Variants in SLC46A2 observed in about 807,000 individuals in gnomAD.
The protein encoded by SLC46A2 is thymic stromal co-transporter.
In SLC46A2, 25 loss-of-function variants were observed where a neutral mutation model predicts 33.1. The ratio of observed to expected loss-of-function variants is 0.76; its 90% CI spans 0.55 to 1.06. SLC46A2 has a LOEUF of 1.06. SLC46A2 is among the 50% of genes least tolerant of loss of function. The probability of loss-of-function intolerance (pLI) is 0.00; values close to 1 mark genes in which losing one functional copy is unlikely to be tolerated. For missense variants in SLC46A2, 622 were observed against 621.7 expected, an observed-to-expected ratio of 1.00 and a Z score of 0.00; for synonymous variants, 254 against 275.9, an observed-to-expected ratio of 0.92 and a Z score of 0.79.
In SLC46A2 at chr9:112,890,049, G is replaced by A. The variant is rs903288475; in HGVS notation, c.633C>T (p.Cys211=). The A allele has an allele frequency of 6.2e-7, 1 of 1,613,830 alleles. No individual in the cohort carries two copies. The highest frequency in any genetic ancestry group is 8.5e-7 in the Non-Finnish European group (1 of 1,180,020). The change falls in exon 1 of 4, where the codon TGC becomes TGT. Residue 211 remains cysteine, a synonymous_variant. Transcript: ENST00000374228. The surrounding 1 kb of genome is among the most constrained non-coding windows in gnomAD (Gnocchi z 6.0). ...HSGQGLILTA[C]SVSCASFALL... ...GGGCAAACGAGGCACAGCTCACGCT[G>A]CAGGCCGTCAGTATCAGGCCCTGCC...
At chr9:112,882,055 G>T (rs4979178) in intron 3 of SLC46A2, among the ~76,000 whole-genome samples, 1 of 152,010 alleles carries the variant, frequency 6.6e-6, no homozygotes, top group Non-Finnish European at 1.5e-5. Context: ...GGCCAGGCCA[G>T]CTTATGCAGG....
intron 3 of SLC46A2, among the ~76,000 whole-genome samples, chr9:112,883,676 T>C (rs1459778124): frequency 6.8e-6 from 1 of 147,074 alleles, no homozygotes; most frequent in Non-Finnish European, 1.5e-5. Flanking sequence ...GGCTTCTCTT[T>C]TCTGTTTTTT....
chr9:112,888,225 C>T (rs1045902071), intron 1 of SLC46A2, among the ~76,000 whole-genome samples: 12 of 152,116 alleles, frequency 7.9e-5, no homozygotes, highest in Admixed American at 2.0e-4. Context: ...TGCAGTGAGC[C>T]GAGATCGTAC....
Position 112,890,844 on chromosome 9 carries a change from G to C in SLC46A2, c.-163C>G. The C allele has an allele frequency of 1.2e-6, 1 of 831,344 alleles. No individual in the cohort carries two copies. 51.5% of individuals were successfully genotyped at this position (831,344 alleles called of 1,614,324 possible). On this transcript the variant is annotated 5_prime_UTR_variant, in exon 1 of 4. Coordinates refer to ENST00000374228, the MANE Select transcript of SLC46A2 (RefSeq NM_033051.4). The surrounding 1 kb of genome is among the most constrained non-coding windows in gnomAD (Gnocchi z 6.0). The stretch of plus-strand genomic sequence containing the variant: ...CCGTGCGCCGGGAGCGCGCCGGCCA[G>C]TGGCGAGCAGAGCCAGGGCACGCAG...
chr9:112,883,334 A>G (rs1841604669), intron 3 of SLC46A2, among the ~76,000 whole-genome samples: 1 of 152,122 alleles, frequency 6.6e-6, no homozygotes, highest in Admixed American at 6.5e-5. Context: ...GAGAGGCCGC[A>G]CCCAGATACC....
rs1841654351 is a variant in SLC46A2, at chr9:112,887,370, G to A, written c.1173C>T (p.Ile391=). The A allele has an allele frequency of 5.6e-6, 9 of 1,612,336 alleles. No homozygotes were observed. The East Asian group carries it at 1.8e-4, about 32-fold the overall frequency. The change falls in exon 2 of 4, where the codon ATC becomes ATT. Residue 391 remains isoleucine (I), a synonymous_variant. Transcript: ENST00000374228. The part of the protein sequence containing the change: ...MLFALIPVTT[I]RSAMSKLIKG... ...TTATGAGTTTGGACATAGCTGATCG[G>A]ATGGTTGTGACGGGGATGAGAGCAA...
chr9:112,890,708 G>A lies in SLC46A2; in HGVS notation c.-27C>T, dbSNP rs1207993186. 6.4e-7 allele frequency: 1 copy of A among 1,568,758 alleles called. No homozygotes were observed. ...TGACCTCTCTGATGGGGATCGAAGG[G>A]CTTTCTGGCTGCAGTGACAAGGATA... On this transcript the variant is annotated 5_prime_UTR_variant, in exon 1 of 4. Coordinates refer to ENST00000374228, the MANE Select transcript of SLC46A2 (RefSeq NM_033051.4). The surrounding 1 kb of genome is among the most constrained non-coding windows in gnomAD (Gnocchi z 6.0).
At position 112,879,492 on chromosome 9, in the gene SLC46A2, C is replaced by T; in HGVS notation, c.*270G>A. ...CTGCTGTGTGCAGCCTGCCTGTAAC[C>T]CTTAAGGTCATGCTCTGCTGTCACA... On this transcript the variant is annotated 3_prime_UTR_variant, in exon 4 of 4. Transcript: ENST00000374228. 4.8e-6 allele frequency: 2 copies of T among 420,540 alleles called. No individual in the cohort carries two copies. The highest frequency in any genetic ancestry group is 3.7e-5 in the South Asian group (1 of 27,328). 26.1% of individuals were successfully genotyped at this position (420,540 alleles called of 1,614,324 possible).
Position 112,890,337 on chromosome 9 carries a change from G to T in SLC46A2, c.345C>A (p.Gly115=). Residue 115 remains glycine (G), a synonymous_variant, in exon 1 of 4, where the codon GGC becomes GGA. Coordinates refer to ENST00000374228, the MANE Select transcript of SLC46A2 (RefSeq NM_033051.4). The surrounding 1 kb of genome is among the most constrained non-coding windows in gnomAD (Gnocchi z 6.0). ...RKISICMSLL[G]FLLSRLGLLL... ...GCAGCCCGAGGCGGGAGAGCAGGAA[G>T]CCCAGCAGCGACATGCAGATGGAGA... The T allele has an allele frequency of 6.2e-7, 1 of 1,613,930 alleles. No individual in the cohort carries two copies. The highest frequency in any genetic ancestry group is 1.3e-5 in the African/African-American group (1 of 75,058).
intron 3 of SLC46A2, among the ~76,000 whole-genome samples, chr9:112,882,841 G>C (rs1417412775): frequency 1.3e-5 from 2 of 152,114 alleles, no homozygotes; most frequent in Non-Finnish European, 2.9e-5. Flanking sequence ...ACCTTTGGAA[G>C]TACTTTAGGT....
chr9:112,889,710 CATA>C lies in SLC46A2; in HGVS notation c.969_971del (p.Met324del). On this transcript the variant is annotated inframe_deletion, in exon 1 of 4. Transcript: ENST00000374228. ...TGATGAAGATGGTGTACCCTGCAGC[CATA>C]CCATAGCCCACCTGCACTTGGTTCC... 6.2e-7 allele frequency: 1 copy of C among 1,614,120 alleles called. No homozygotes were observed. Among genetic ancestry groups the C allele is most frequent in the Non-Finnish European group, 8.5e-7 (1 of 1,179,998 alleles).
Position 112,879,812 on chromosome 9 carries a change from C to G in SLC46A2, c.1378G>C (p.Ala460Pro). Residue 460 changes from alanine to proline, a missense_variant, in exon 4 of 4, where the codon GCC becomes CCC. Coordinates refer to ENST00000374228, the MANE Select transcript of SLC46A2 (RefSeq NM_033051.4). The part of the protein sequence containing the change: ...FLAIIPISIV[A>P]YKQVPLSPYG... The stretch of plus-strand genomic sequence containing the variant: ...GGTGACAATGGGACTTGTTTATAGG[C>G]CACGATGCTGTAAGAATTGACCATA... 6.2e-7 allele frequency: 1 copy of G among 1,612,624 alleles called. No individual in the cohort carries two copies. The highest frequency in any genetic ancestry group is 8.5e-7 in the Non-Finnish European group (1 of 1,178,978).
In SLC46A2 at chr9:112,890,371, T is replaced by G. The variant is rs1227334948; in HGVS notation, c.311A>C (p.His104Pro). Residue 104 changes from histidine to proline, a missense_variant, in exon 1 of 4, where the codon CAC (histidine) becomes CCC (proline). Physicochemically the swap from His to Pro is moderately conservative, Grantham distance 77. Transcript: ENST00000374228. The surrounding 1 kb of genome is among the most constrained non-coding windows in gnomAD (Gnocchi z 6.0). ...YGLGWLSDRY[H>P]RKISICMSLL... is the part of the protein sequence containing the mutation. Reference sequence around the variant, plus strand: ...CGACATGCAGATGGAGATCTTTCGGTGGTAGCGGTCGCTGAGCCATCCCAG... The same window carrying G: ...CGACATGCAGATGGAGATCTTTCGGGGGTAGCGGTCGCTGAGCCATCCCAG... 5.6e-6 allele frequency: 9 copies of G among 1,613,788 alleles called. No individual in the cohort carries two copies. Among genetic ancestry groups the G allele is most frequent in the Admixed American group, 1.7e-5 (1 of 59,992 alleles).
rs543379104 is a variant in SLC46A2, at chr9:112,882,486, C to G, written c.1371-2667G>C. ...AGGTGAGGACATGACCTGATTCACACTTTAAGGACCTTGCTCTGGCCACCT... is the reference window on the plus strand; with the variant it reads ...AGGTGAGGACATGACCTGATTCACAGTTTAAGGACCTTGCTCTGGCCACCT... On this transcript the variant is annotated intron_variant, in intron 3 of 3. Coordinates refer to ENST00000374228, the MANE Select transcript of SLC46A2 (RefSeq NM_033051.4). Among the ~76,000 whole-genome samples, 3 of 152,282 alleles carry G rather than the reference C, an allele frequency of 2.0e-5. No individual in the cohort carries two copies. In the South Asian group the frequency reaches 6.2e-4, roughly 32 times the overall value.
rs150910646 is a variant in SLC46A2, at chr9:112,883,012, G to C, written c.1371-3193C>G. ...GACAAATATCTCCTGAGGAAAGAGT[G>C]ATCAACAGCATTAGATGTCGCCAAG... On this transcript the variant is annotated intron_variant, in intron 3 of 3. Coordinates refer to ENST00000374228, the MANE Select transcript of SLC46A2 (RefSeq NM_033051.4). 2.6e-5 allele frequency among the ~76,000 whole-genome samples: 4 copies of C among 152,350 alleles called. No individual in the cohort carries two copies. The East Asian group carries it at 7.7e-4, about 29-fold the overall frequency.
intron 1 of SLC46A2, 150 bp downstream of exon 1, chr9:112,889,403 G>C (rs1412317976): frequency 1.5e-6 from 1 of 668,698 alleles, no homozygotes; most frequent in Non-Finnish European, 2.5e-6. Flanking sequence ...TAAACTCAGG[G>C]GCATATAATC....
intron 3 of SLC46A2, among the ~76,000 whole-genome samples, chr9:112,884,128 CAA>C (rs1037433929): frequency 4.6e-5 from 7 of 152,210 alleles, no homozygotes; most frequent in Admixed American, 2.0e-4. Context: ...AAAGAGCAAA[CAA>C]GAGAGGGCAA....
Position 112,889,568 on chromosome 9 carries a change from A to G in SLC46A2, c.1114T>C (p.Tyr372His). 6.2e-7 allele frequency: 1 copy of G among 1,612,648 alleles called. No homozygotes were observed. Among genetic ancestry groups the G allele is most frequent in the South Asian group, 1.1e-5 (1 of 90,912 alleles). ...ALLLAFVKET[Y>H]MFYIARAVML... ...ACAGACTCACCAATATAGAACATGT[A>G]TGTCTCTTTCACAAAAGCCAAGAGG... Residue 372 changes from tyrosine (Y) to histidine (H), a missense_variant, in exon 1 of 4, where the codon TAC becomes CAC. Tyr to His is a moderately conservative substitution (Grantham distance 83). Transcript: ENST00000374228.
At position 112,890,073 on chromosome 9, in the gene SLC46A2, C is replaced by T. The variant is rs1841707048; in HGVS notation, c.609G>A (p.Gly203=). ...HLFKQMAGHS[G]QGLILTACSV... ...TGCAGGCCGTCAGTATCAGGCCCTG[C>T]CCAGAGTGCCCAGCCATCTGCTTGA... The change falls in exon 1 of 4, where the codon GGG becomes GGA. Residue 203 remains glycine (G), a synonymous_variant. Transcript: ENST00000374228. This position sits in a 1 kb window ranked among gnomAD's most constrained non-coding sequence, Gnocchi z 6.0. 6.2e-7 allele frequency: 1 copy of T among 1,613,782 alleles called. No homozygotes were observed. Among genetic ancestry groups the T allele is most frequent in the Non-Finnish European group, 8.5e-7 (1 of 1,179,990 alleles).
Sources: gnomAD v4.1 joint callset for allele counts (sites outside exome capture counted in the v4.1 genomes callset) on GRCh38, gnomAD v4.1.1 for gene constraint, Gnocchi (gnomAD v3.1) non-coding constraint, MANE v1.5 for transcripts, NCBI Gene and HGNC (gene_info 2026-07-23, HGNC 2026-07-21) for gene names.